The following WDR11 variants were observed in gnomAD, a reference collection of about 807,000 sequenced individuals.
The protein encoded by WDR11 is WD repeat-containing protein 11.
A neutral mutation model predicts 151.2 loss-of-function variants in WDR11; 83 were observed. The ratio of observed to expected loss-of-function variants is 0.55; its 90% CI spans 0.46 to 0.66. The LOEUF is 0.66. Ranked by LOEUF, WDR11 falls within the 30% of genes least tolerant of loss-of-function variation. WDR11 has a pLI of 0.00. For missense variants in WDR11, 1,301 were observed against 1,480.9 expected (o/e 0.88, Z 1.99); for synonymous variants, 484 against 533.1 (o/e 0.91, Z 1.27).
At chr10:120,861,048 G>A (rs1296715088) in intron 4 of WDR11, among the ~76,000 whole-genome samples, 1 of 152,178 alleles carries the variant, frequency 6.6e-6, no homozygotes, top group Non-Finnish European at 1.5e-5. Flanking sequence ...CAGGATAAAG[G>A]GGATGCAGAA....
rs1847355673 is a variant in WDR11, at chr10:120,889,804, G to C, written c.2229-91G>C. On this transcript the variant is annotated intron_variant, in intron 17 of 28. Transcript: ENST00000263461. ...GGTTCTCCCATCATCAGACCTGTTAGAAATGGAAATAGTGAGAGATGTTAG... is the reference window on the plus strand; with the variant it reads ...GGTTCTCCCATCATCAGACCTGTTACAAATGGAAATAGTGAGAGATGTTAG... 3.3e-6 allele frequency: 3 copies of C among 896,922 alleles called. No homozygotes were observed. The African/African-American group carries it at 4.9e-5, about 15-fold the overall frequency. The allele number at this position is 896,922 out of a possible 1,614,324, so 55.6% of individuals were successfully genotyped here.
At chr10:120,902,992 T>C (rs1847884615) in intron 22 of WDR11, 63 bp from the exon 23 acceptor site, 2 of 1,557,328 alleles carry the variant, frequency 1.3e-6, no homozygotes. Flanking sequence ...CTCAGTCTAC[T>C]CTAGGAAGCC....
Position 120,903,252 on chromosome 10 carries a change from A to C in WDR11, c.2931+20A>C. 6.2e-7 allele frequency: 1 copy of C among 1,613,766 alleles called. No homozygotes were observed. Among genetic ancestry groups the C allele is most frequent in the Non-Finnish European group, 8.5e-7 (1 of 1,179,718 alleles). On this transcript the variant is annotated intron_variant, in intron 23 of 28. Transcript: ENST00000263461. ...TTTCAGGTAGTCTGCTTCACACAGC[A>C]AAACCTTTAGAGCTGTCATCTTGAT...
intron 8 of WDR11, 81 bp from the exon 9 acceptor site, chr10:120,866,985 T>C (rs1846337439): frequency 1.6e-6 from 2 of 1,228,252 alleles, no homozygotes; most frequent in African/African-American, 1.5e-5. Context: ...AATGCCATAA[T>C]CTGGACTTAA....
intron 10 of WDR11, among the ~76,000 whole-genome samples, chr10:120,872,652 G>A (rs1043913219): frequency 8.5e-5 from 13 of 152,100 alleles, no homozygotes; most frequent in Non-Finnish European, 1.5e-4. Flanking sequence ...TCCTTGTGGT[G>A]CCCCTAGTGC....
At chr10:120,868,035 A>C (rs910135149) in intron 9 of WDR11, among the ~76,000 whole-genome samples, 3 of 152,134 alleles carry the variant, frequency 2.0e-5, no homozygotes, top group African/African-American at 7.2e-5. Context: ...ATTTTTTTAC[A>C]GTTGTGGCTA....
At chr10:120,905,437 A>G (rs938494909) in intron 26 of WDR11, 21 bp downstream of exon 26, 10 of 1,612,548 alleles carry the variant, frequency 6.2e-6, no homozygotes, top group African/African-American at 4.0e-5. Context: ...CCAAGTTTCA[A>G]TAGGTGCCCT....
chr10:120,869,265 C>G (rs1415202336), intron 9 of WDR11, among the ~76,000 whole-genome samples: 6 of 151,912 alleles, frequency 3.9e-5, no homozygotes, highest in Non-Finnish European at 8.8e-5. Context: ...CGCCCGCCAC[C>G]ACGCCCGGCT....
At chr10:120,872,209 T>G (rs907817948) in intron 10 of WDR11, among the ~76,000 whole-genome samples, 1 of 152,226 alleles carries the variant, frequency 6.6e-6, no homozygotes, top group Non-Finnish European at 1.5e-5. Flanking sequence ...ACCCTTCTGT[T>G]TTTTTCTGTG....
chr10:120,866,372 A>T (rs1846311863), intron 7 of WDR11, among the ~76,000 whole-genome samples, 197 bp from the exon 8 acceptor site: 1 of 152,176 alleles, frequency 6.6e-6, no homozygotes, highest in South Asian at 2.1e-4. Context: ...TATTTTGGAA[A>T]TTAAACTTAG....
intron 27 of WDR11, chr10:120,906,234 T>C (rs1848039126): frequency 2.1e-6 from 3 of 1,440,890 alleles, no homozygotes; most frequent in Non-Finnish European, 1.8e-6. Context: ...CCTACTAATA[T>C]GCTGATCAGA....
Position 120,886,580 on chromosome 10 carries a change from G to C in WDR11, c.1974-109G>C, listed in dbSNP as rs978232180. On this transcript the variant is annotated intron_variant, in intron 15 of 28. Coordinates refer to ENST00000263461, the MANE Select transcript of WDR11 (RefSeq NM_018117.12). ...TTAGTTTCAGACTTTTAAAAAAATA[G>C]TTTTGGACCTCCTCTTAATGCGTCT... 5 of 1,387,238 alleles carry C rather than the reference G, an allele frequency of 3.6e-6. No homozygotes were observed. In the African/African-American group the frequency reaches 7.3e-5, roughly 20 times the overall value. The allele number at this position is 1,387,238 out of a possible 1,614,324, so 85.9% of individuals were successfully genotyped here.
chr10:120,899,203 G>A (rs1847720828), intron 19 of WDR11, among the ~76,000 whole-genome samples: 1 of 152,192 alleles, frequency 6.6e-6, no homozygotes, highest in Non-Finnish European at 1.5e-5. Flanking sequence ...GGATGCTAGG[G>A]CCTAGAGTCT....
At chr10:120,896,746 G>A (rs1180852114) in intron 19 of WDR11, among the ~76,000 whole-genome samples, 1 of 152,176 alleles carries the variant, frequency 6.6e-6, no homozygotes, top group African/African-American at 2.4e-5. Context: ...GCCAAGATCT[G>A]TGCTGATAGA....
intron 17 of WDR11, 115 bp from the exon 18 acceptor site, chr10:120,889,780 G>A: frequency 1.3e-6 from 1 of 777,392 alleles, no homozygotes. Context: ...CAAGTAAAGG[G>A]TTCTCCCATC....
Position 120,890,944 on chromosome 10 carries a change from CTTGTA to C in WDR11, c.2515+60_2515+64del. On this transcript the variant is annotated intron_variant, in intron 19 of 28. Transcript: ENST00000263461. The stretch of plus-strand genomic sequence containing the variant: ...ACCTGTCTTTACTTTGCCACAAGCT[CTTGTA>C]TTTTGGGGAGAGAGCTGCTGCTTCT... 3.8e-6 allele frequency: 6 copies of C among 1,572,176 alleles called. No homozygotes were observed. In the South Asian group the frequency reaches 6.7e-5, roughly 17 times the overall value.
chr10:120,852,649 C>G lies in WDR11; in HGVS notation c.198+14C>G. 1 of 1,598,298 alleles carries G rather than the reference C, an allele frequency of 6.3e-7. No individual in the cohort carries two copies. Among genetic ancestry groups the G allele is most frequent in the Non-Finnish European group, 8.6e-7 (1 of 1,166,130 alleles). On this transcript the variant is annotated intron_variant, in intron 2 of 28. Coordinates refer to ENST00000263461, the MANE Select transcript of WDR11 (RefSeq NM_018117.12). The stretch of plus-strand genomic sequence containing the variant: ...GATGTTGTAAAGGTAAGTAAAATCC[C>G]ACTTTGACGCTAACATGTTGTCTAG...
intron 19 of WDR11, among the ~76,000 whole-genome samples, chr10:120,894,303 A>G (rs1564717392): frequency 6.6e-6 from 1 of 152,204 alleles, no homozygotes; most frequent in African/African-American, 2.4e-5. Context: ...GTAAGCATAT[A>G]TAGAAAGAAG....
chr10:120,858,940 C>A, intron 3 of WDR11, 144 bp downstream of exon 3: 1 of 994,190 alleles, frequency 1.0e-6, no homozygotes, highest in Non-Finnish European at 1.5e-6. Flanking sequence ...TTCTGCTGAT[C>A]TAAATCTGGC....
Sources: allele counts gnomAD v4.1 joint callset (sites outside exome capture counted in the v4.1 genomes callset), GRCh38; gene constraint gnomAD v4.1.1; transcripts MANE v1.5; gene names NCBI Gene and HGNC (gene_info 2026-07-23, HGNC 2026-07-21).